SHLD1: variants seen among roughly 807,000 people sequenced by gnomAD.
The protein encoded by SHLD1 is shieldin complex subunit 1.
Under a neutral mutation model 5.5 loss-of-function variants are expected in SHLD1, and 3 were observed. The ratio of observed to expected loss-of-function variants is 0.54; its 90% CI spans 0.25 to 1.40. The LOEUF is 1.40. Among genes scored for constraint, SHLD1 ranks in the 40% most tolerant of loss-of-function variants. The probability of loss-of-function intolerance (pLI) is 0.15; values close to 1 mark genes in which losing one functional copy is unlikely to be tolerated. For missense variants in SHLD1, 210 were observed against 244.4 expected, an observed-to-expected ratio of 0.86 and a Z score of 0.94; for synonymous variants, 92 against 94.3, an observed-to-expected ratio of 0.98 and a Z score of 0.14.
At chr20:5,821,066 T>C (rs1412216156) in intron 2 of SHLD1, among the ~76,000 whole-genome samples, 17 of 152,256 alleles carry the variant, frequency 1.1e-4, no homozygotes. Context: ...CTTCTAGTCC[T>C]GTGGAAAATC....
chr20:5,752,525 A>C (rs940368009), intron 1 of SHLD1, among the ~76,000 whole-genome samples: 1 of 151,918 alleles, frequency 6.6e-6, no homozygotes, highest in Non-Finnish European at 1.5e-5. Flanking sequence ...ATTAATGGAG[A>C]TTCTCTACAG....
At chr20:5,788,881 C>T (rs988213767) in intron 2 of SHLD1, among the ~76,000 whole-genome samples, 1 of 152,162 alleles carries the variant, frequency 6.6e-6, no homozygotes, top group African/African-American at 2.4e-5. Context: ...CCTGTAATCC[C>T]AGCACTTTGG....
At chr20:5,802,096 A>C (rs564827364) in intron 2 of SHLD1, among the ~76,000 whole-genome samples, 1 of 152,328 alleles carries the variant, frequency 6.6e-6, no homozygotes, top group East Asian at 1.9e-4. Flanking sequence ...TTTGGAAACA[A>C]GTTAGAGTCC....
At chr20:5,842,631 A>G (rs1390402964) in intron 2 of SHLD1, among the ~76,000 whole-genome samples, 2 of 152,116 alleles carry the variant, frequency 1.3e-5, no homozygotes, top group Non-Finnish European at 2.9e-5. Context: ...AATTCCAATT[A>G]CATGCATGTT....
intron 2 of SHLD1, among the ~76,000 whole-genome samples, chr20:5,850,809 G>A (rs963189938): frequency 6.6e-6 from 1 of 151,896 alleles, no homozygotes; most frequent in Non-Finnish European, 1.5e-5. Flanking sequence ...CGCACCTGGC[G>A]CCCAGTCCCA....
chr20:5,827,573 A>G (rs371513417), intron 2 of SHLD1, among the ~76,000 whole-genome samples: 27 of 146,418 alleles, frequency 1.8e-4, no homozygotes, highest in Middle Eastern at 3.2e-3. Context: ...CTCTGTCCCC[A>G]TACCCTCCTC....
chr20:5,847,968 G>C (rs6053741), intron 2 of SHLD1, among the ~76,000 whole-genome samples: 56,634 of 152,076 alleles, frequency 0.37, 12,690 homozygotes, highest in African/African-American at 0.64. Flanking sequence ...ATTTGTGATA[G>C]TGAAAATTAA....
chr20:5,823,901 C>T (rs1042742306), intron 2 of SHLD1, among the ~76,000 whole-genome samples: 4 of 152,142 alleles, frequency 2.6e-5, no homozygotes, highest in Non-Finnish European at 5.9e-5. Context: ...TGTCTCACCA[C>T]CTCCTCCACT....
intron 1 of SHLD1, among the ~76,000 whole-genome samples, chr20:5,771,082 G>A (rs1985125572): frequency 6.6e-6 from 1 of 152,148 alleles, no homozygotes; most frequent in Non-Finnish European, 1.5e-5. Context: ...GCTTTTGAGA[G>A]CACATGGGTT....
chr20:5,792,808 G>A (rs1205023309), intron 2 of SHLD1, among the ~76,000 whole-genome samples: 1 of 151,854 alleles, frequency 6.6e-6, no homozygotes, highest in Non-Finnish European at 1.5e-5. Context: ...CGAGTAGCTG[G>A]GATTACAGGC....
chr20:5,775,996 T>C (rs6038272), intron 2 of SHLD1, among the ~76,000 whole-genome samples: 86,513 of 145,526 alleles, frequency 0.59, 26,548 homozygotes, highest in African/African-American at 0.77. Flanking sequence ...GGCGTGATCT[T>C]GGCTCACTGC....
rs532693796 is a variant in SHLD1 at position 5,779,980 on chromosome 20, T to G, written c.178+6937T>G. Among the ~76,000 whole-genome samples the G allele has an allele frequency of 7.8e-4, 110 of 140,500 alleles. 1 individual carries two copies. The highest frequency in any genetic ancestry group is 3.4e-3 in the Middle Eastern group (1 of 294). 92.2% of individuals were successfully genotyped at this position (140,500 alleles called of 152,430 possible). On this transcript the variant is annotated intron_variant, in intron 2 of 2. Transcript: ENST00000303142. ...TAGTTTTTACAATTTCTGTTTTTTT[T>G]TTTTTTTTTTTTTTTGGAGACAGAG... is the stretch of plus-strand genomic sequence containing the variant.
intron 2 of SHLD1, among the ~76,000 whole-genome samples, chr20:5,785,798 A>G (rs1402436919): frequency 6.9e-6 from 1 of 145,808 alleles, no homozygotes; most frequent in African/African-American, 2.5e-5. Flanking sequence ...TCCGTCTCCA[A>G]AAAAAAAAAA....
intron 1 of SHLD1, among the ~76,000 whole-genome samples, chr20:5,754,754 A>G (rs1247212546): frequency 3.3e-5 from 5 of 152,228 alleles, no homozygotes; most frequent in Non-Finnish European, 5.9e-5. Flanking sequence ...TGAAATCAGC[A>G]TAAAGAAATG....
At chr20:5,751,126 G>T (rs141450100) in intron 1 of SHLD1, among the ~76,000 whole-genome samples, 1 of 152,336 alleles carries the variant, frequency 6.6e-6, no homozygotes, top group East Asian at 1.9e-4. Flanking sequence ...TCCAGTAGCA[G>T]TCATTCTACA....
At chr20:5,794,842 T>C (rs1249641522) in intron 2 of SHLD1, among the ~76,000 whole-genome samples, 1 of 152,120 alleles carries the variant, frequency 6.6e-6, no homozygotes, top group Non-Finnish European at 1.5e-5. Context: ...GTGCTACAGA[T>C]TGAGGGTGAT....
At chr20:5,776,780 T>A (rs572748840) in intron 2 of SHLD1, among the ~76,000 whole-genome samples, 57 of 151,498 alleles carry the variant, frequency 3.8e-4, no homozygotes, top group African/African-American at 1.3e-3. Flanking sequence ...ATAATAATAA[T>A]AAATAAGTAA....
At position 5,753,957 on chromosome 20, in the gene SHLD1, C is replaced by T. The variant is rs575043526; in HGVS notation, c.-5+3478C>T. Among the ~76,000 whole-genome samples the T allele has an allele frequency of 4.6e-4, 70 of 152,276 alleles. No homozygotes were observed. The South Asian group carries it at 5.6e-3, about 12-fold the overall frequency. ...CTTAAACACACTCCTTGTGTGTTAG[C>T]GTCTTTGATTTCCTTGTCATGAGAC... On this transcript the variant is annotated intron_variant, in intron 1 of 2. Coordinates refer to ENST00000303142, the MANE Select transcript of SHLD1 (RefSeq NM_152504.4).
At chr20:5,822,579 C>T (rs2087618065) in intron 2 of SHLD1, among the ~76,000 whole-genome samples, 1 of 152,072 alleles carries the variant, frequency 6.6e-6, no homozygotes, top group African/African-American at 2.4e-5. Context: ...AGCAGTGAGA[C>T]AAATTGTGTG....
Sources: allele counts gnomAD v4.1 joint callset (sites outside exome capture counted in the v4.1 genomes callset), GRCh38; gene constraint gnomAD v4.1.1; transcripts MANE v1.5; gene names NCBI Gene and HGNC (gene_info 2026-07-23, HGNC 2026-07-21).